The following KMT2C variants were observed in gnomAD, a reference collection of about 807,000 sequenced individuals.
KMT2C encodes the protein histone-lysine N-methyltransferase 2C.
In KMT2C, 88 loss-of-function variants were observed where a neutral mutation model predicts 507.9. The observed-to-expected ratio is 0.17, with a 90% CI of 0.15 to 0.21. The LOEUF (loss-of-function observed/expected upper bound fraction) is 0.21, where lower values mean the gene tolerates loss of function less well. KMT2C is among the 10% of genes least tolerant of loss of function. KMT2C has a pLI of 1.00. For missense variants in KMT2C, 4,954 were observed against 5,957.8 expected (o/e 0.83, Z 5.55); for synonymous variants, 2,049 against 2,080.8 (o/e 0.98, Z 0.42).
chr7:152,354,849 G>C (rs1224639702), intron 2 of KMT2C, among the ~76,000 whole-genome samples: 2 of 152,162 alleles, frequency 1.3e-5, no homozygotes, highest in African/African-American at 4.8e-5. Flanking sequence ...GGTACTGCAT[G>C]AACTTTGAAT....
At chr7:152,292,228 A>G (rs1047141880) in intron 6 of KMT2C, among the ~76,000 whole-genome samples, 2 of 152,192 alleles carry the variant, frequency 1.3e-5, no homozygotes, top group Non-Finnish European at 2.9e-5. Context: ...AAAGTGTTAC[A>G]TATAAAGTCC....
Position 152,176,395 on chromosome 7 carries a change from A to G in KMT2C, c.9058T>C (p.Ser3020Pro). 1 of 1,614,160 alleles carries G rather than the reference A, an allele frequency of 6.2e-7. No homozygotes were observed. The highest frequency in any genetic ancestry group is 8.5e-7 in the Non-Finnish European group (1 of 1,180,028). Residue 3020 changes from serine to proline, a missense_variant, in exon 38 of 59, where the codon TCT becomes CCT. Ser to Pro is a moderately conservative substitution (Grantham distance 74). Around this residue, in one of 29 missense-constraint regions of KMT2C, gnomAD observed 1,689 missense variants for 1,654.3 expected, o/e 1.02. Transcript: ENST00000262189. ...ATQTGPQTSQ[S>P]GTSSMSGPQQ... ...GGTCCAGACATGCTACTGGTACCAG[A>G]CTGACTTGTTTGAGGCCCAGTTTGA...
chr7:152,391,526 G>A (rs1589684888), intron 1 of KMT2C, among the ~76,000 whole-genome samples: 1 of 146,738 alleles, frequency 6.8e-6, no homozygotes, highest in African/African-American at 2.6e-5. Context: ...ACAGACATGA[G>A]CCACTGCATG....
chr7:152,305,183 A>G (rs1225780672), intron 6 of KMT2C, among the ~76,000 whole-genome samples: 1 of 152,192 alleles, frequency 6.6e-6, no homozygotes, highest in Non-Finnish European at 1.5e-5. Flanking sequence ...TGGCACTAGT[A>G]TACTAGTGAG....
intron 44 of KMT2C, 120 bp downstream of exon 44, chr7:152,158,743 T>A (rs1283996088): frequency 1.2e-6 from 1 of 847,334 alleles, no homozygotes; most frequent in African/African-American, 1.7e-5. Flanking sequence ...CTAGAACTCA[T>A]GCCTCAAGTG....
chr7:152,344,194 G>A (rs946965715), intron 2 of KMT2C, among the ~76,000 whole-genome samples: 5 of 152,186 alleles, frequency 3.3e-5, no homozygotes, highest in Non-Finnish European at 5.9e-5. Flanking sequence ...CACATTACAA[G>A]TGAAAATTAC....
In KMT2C at chr7:152,147,976, C is replaced by A. The variant is rs905696500; in HGVS notation, c.13894+57G>T. 31 of 1,474,822 alleles carry A rather than the reference C, an allele frequency of 2.1e-5. No individual in the cohort carries two copies. The South Asian group carries it at 4.3e-4, about 21-fold the overall frequency. 91.4% of individuals were successfully genotyped at this position (1,474,822 alleles called of 1,614,324 possible). ...ACATGGAAAATTGACAAAATACATT[C>A]ATTAGCCTGACATCAGAGTAAGTAG... On this transcript the variant is annotated intron_variant, in intron 52 of 58. Coordinates refer to ENST00000262189, the MANE Select transcript of KMT2C (RefSeq NM_170606.3).
At chr7:152,161,646 AACATT>A (rs1385212257) in intron 43 of KMT2C, among the ~76,000 whole-genome samples, 5 of 152,250 alleles carry the variant, frequency 3.3e-5, no homozygotes, top group African/African-American at 7.2e-5. Flanking sequence ...ATCTACATGT[AACATT>A]ACATTAAGTA....
intron 40 of KMT2C, 25 bp downstream of exon 40, chr7:152,171,239 A>AGGGACTCAT: frequency 6.6e-7 from 1 of 1,522,754 alleles, no homozygotes; most frequent in Non-Finnish European, 9.0e-7. Flanking sequence ...TGCATTCTAG[A>AGGGACTCAT]GGGACTCATT....
intron 1 of KMT2C, among the ~76,000 whole-genome samples, chr7:152,386,987 A>G (rs1168026493): frequency 2.6e-5 from 4 of 152,202 alleles, no homozygotes; most frequent in African/African-American, 9.7e-5. Context: ...AGTATTCCTT[A>G]AAATATCACT....
intron 23 of KMT2C, among the ~76,000 whole-genome samples, chr7:152,216,896 G>C (rs1288763756): frequency 1.3e-5 from 2 of 152,204 alleles, no homozygotes; most frequent in Non-Finnish European, 2.9e-5. Flanking sequence ...CACGGTTACT[G>C]AGCACTCCAT....
Position 152,181,916 on chromosome 7 carries a change from A to C in KMT2C, c.5944T>G (p.Leu1982Val), listed in dbSNP as rs202120117. ...PVMTDQFPKS[L>V]GLSRSPVVSE... ...ACTACAGGAGACCGGGATAGGCCCAAGGATTTGGGAAATTGATCTGTCATC... is the reference window on the plus strand; with the variant it reads ...ACTACAGGAGACCGGGATAGGCCCACGGATTTGGGAAATTGATCTGTCATC... The change falls in exon 36 of 59, where the codon TTG (leucine) becomes GTG (valine). Residue 1982 changes from leucine (L) to valine (V), a missense_variant. Around this residue, in one of 29 missense-constraint regions of KMT2C, gnomAD observed 1,689 missense variants for 1,654.3 expected, o/e 1.02. Coordinates refer to ENST00000262189, the MANE Select transcript of KMT2C (RefSeq NM_170606.3). 9 of 1,614,188 alleles carry C rather than the reference A, an allele frequency of 5.6e-6. No individual in the cohort carries two copies. The Admixed American group carries it at 1.2e-4, about 21-fold the overall frequency.
At chr7:152,152,370 C>T (rs934878965) in intron 49 of KMT2C, among the ~76,000 whole-genome samples, 1 of 152,172 alleles carries the variant, frequency 6.6e-6, no homozygotes, top group East Asian at 1.9e-4. Flanking sequence ...CCCATCTGTA[C>T]CAGGTGGCCC....
intron 14 of KMT2C, among the ~76,000 whole-genome samples, chr7:152,244,247 C>T (rs1480661666): frequency 6.6e-6 from 1 of 152,086 alleles, no homozygotes; most frequent in African/African-American, 2.4e-5. Context: ...AAAGATGATC[C>T]TAGAAGTGCA....
chr7:152,135,503 C>CA lies in KMT2C; in HGVS notation c.*1328dup, dbSNP rs2089802482. ...AGAGTCCTGCAGCTGTAAGCATAATCACATCTCCTTTTTTTTTTTAACTTT... is the reference window on the plus strand; with the variant it reads ...AGAGTCCTGCAGCTGTAAGCATAATCAACATCTCCTTTTTTTTTTTAACTTT... On this transcript the variant is annotated 3_prime_UTR_variant, in exon 59 of 59. Transcript: ENST00000262189. 8.9e-6 allele frequency: 2 copies of CA among 224,140 alleles called. No homozygotes were observed. The highest frequency in any genetic ancestry group is 1.1e-4 in the Admixed American group (2 of 17,482). 13.9% of individuals were successfully genotyped at this position (224,140 alleles called of 1,614,324 possible). A position where few individuals can be genotyped will look rare whatever the true frequency, so the allele number is the denominator to read the frequency against.
intron 36 of KMT2C, 136 bp downstream of exon 36, chr7:152,180,573 TTC>T (rs2129118826): frequency 1.5e-6 from 1 of 649,030 alleles, no homozygotes; most frequent in East Asian, 2.9e-5. Context: ...AATTTCATTT[TTC>T]TTTTTTGCAG....
chr7:152,276,564 G>A (rs900127464), intron 6 of KMT2C, among the ~76,000 whole-genome samples: 11 of 151,980 alleles, frequency 7.2e-5, no homozygotes, highest in African/African-American at 2.7e-4. Flanking sequence ...ACCAGCCTGG[G>A]CAACATGGTG....
chr7:152,209,112 T>A (rs942122955), intron 23 of KMT2C, among the ~76,000 whole-genome samples: 5 of 146,288 alleles, frequency 3.4e-5, no homozygotes, highest in Non-Finnish European at 6.0e-5. Context: ...TGAGCCGAGA[T>A]TGTGCCATTG....
intron 2 of KMT2C, among the ~76,000 whole-genome samples, chr7:152,344,093 A>G (rs1014788356): frequency 6.6e-6 from 1 of 152,156 alleles, no homozygotes; most frequent in African/African-American, 2.4e-5. Flanking sequence ...ATGTATAAAT[A>G]CATATGCTTA....
Sources: gnomAD v4.1 joint callset for allele counts (sites outside exome capture counted in the v4.1 genomes callset) on GRCh38, gnomAD v4.1.1 for gene constraint, gnomAD v4.1.1 regional missense constraint, MANE v1.5 for transcripts, NCBI Gene and HGNC (gene_info 2026-07-23, HGNC 2026-07-21) for gene names.